CTNNA3: variants seen among roughly 807,000 people sequenced by gnomAD.
CTNNA3 encodes catenin alpha-3.
A neutral mutation model predicts 95.7 loss-of-function variants in CTNNA3; 76 were observed. The observed-to-expected ratio is 0.79, with a 90% CI of 0.66 to 0.96. CTNNA3 has a LOEUF of 0.96. Ranked by LOEUF, CTNNA3 falls within the 40% of genes least tolerant of loss-of-function variation. The pLI, the probability that CTNNA3 is intolerant of heterozygous loss-of-function variation, is 0.00. For synonymous variants in CTNNA3, 431 were observed against 374.4 expected (o/e 1.15, Z -1.74); for missense variants, 1,191 against 1,089.8 (o/e 1.09, Z -1.31).
At chr10:66,776,665 T>A (rs1338199957) in intron 7 of CTNNA3, among the ~76,000 whole-genome samples, 1 of 152,186 alleles carries the variant, frequency 6.6e-6, no homozygotes, top group Non-Finnish European at 1.5e-5. Flanking sequence ...TAATGTACCT[T>A]TGATTTCAGA....
intron 7 of CTNNA3, among the ~76,000 whole-genome samples, chr10:67,150,323 A>G (rs563962821): frequency 1.4e-4 from 22 of 152,198 alleles, no homozygotes; most frequent in Non-Finnish European, 3.1e-4. Context: ...CCTTGAATAT[A>G]CTTAAGACAT....
chr10:66,893,321 T>C (rs895905984), intron 7 of CTNNA3, among the ~76,000 whole-genome samples: 2 of 151,990 alleles, frequency 1.3e-5, no homozygotes, highest in Non-Finnish European at 2.9e-5. Context: ...AATAACTAAA[T>C]AAACTAACAA....
At chr10:67,249,985 C>G (rs1290848832) in intron 5 of CTNNA3, among the ~76,000 whole-genome samples, 3 of 152,180 alleles carry the variant, frequency 2.0e-5, no homozygotes, top group Non-Finnish European at 4.4e-5. Context: ...ATTGGAGGAC[C>G]TGCTGTACTT....
At position 66,603,577 on chromosome 10, in the gene CTNNA3, C is replaced by CA. The variant is rs1037879555; in HGVS notation, c.1374+18114dup. Among the ~76,000 whole-genome samples, 24 of 151,958 alleles carry CA rather than the reference C, an allele frequency of 1.6e-4. 1 individual carries two copies. The East Asian group carries it at 2.7e-3, about 17-fold the overall frequency. On this transcript the variant is annotated intron_variant, in intron 10 of 17. Coordinates refer to ENST00000433211, the MANE Select transcript of CTNNA3 (RefSeq NM_013266.4). Reference sequence around the variant, plus strand: ...ATTAATGATATTCTTCAGGTAATTACAAAAAAATCCTAAAATGTGTATGGA... The same window carrying CA: ...ATTAATGATATTCTTCAGGTAATTACAAAAAAAATCCTAAAATGTGTATGGA...
At position 66,338,734 on chromosome 10, in the gene CTNNA3, T is replaced by C. The variant is rs924523499; in HGVS notation, c.1732+40418A>G. Among the ~76,000 whole-genome samples, 39 of 151,772 alleles carry C rather than the reference T, an allele frequency of 2.6e-4. 1 individual carries two copies. Among genetic ancestry groups the C allele is most frequent in the Admixed American group, 2.1e-3 (32 of 15,234 alleles). ...TGATTTCACAGTTCTAAAAGGAAGT[T>C]GGAACTGAGCAGATTAGAACAGTCT... On this transcript the variant is annotated intron_variant, in intron 12 of 17. Coordinates refer to ENST00000433211, the MANE Select transcript of CTNNA3 (RefSeq NM_013266.4).
intron 12 of CTNNA3, among the ~76,000 whole-genome samples, chr10:66,366,540 G>T (rs1302017935): frequency 6.6e-6 from 1 of 152,118 alleles, no homozygotes; most frequent in Non-Finnish European, 1.5e-5. Flanking sequence ...AAAGAGGCTT[G>T]AGGAAGCTTG....
intron 11 of CTNNA3, among the ~76,000 whole-genome samples, chr10:66,395,593 T>G (rs976146861): frequency 3.9e-5 from 6 of 151,990 alleles, no homozygotes; most frequent in Non-Finnish European, 7.4e-5. Flanking sequence ...TCATCTTACC[T>G]CAGATTTCCA....
At chr10:67,080,874 A>G (rs892088530) in intron 7 of CTNNA3, among the ~76,000 whole-genome samples, 11 of 151,378 alleles carry the variant, frequency 7.3e-5, no homozygotes, top group African/African-American at 2.4e-4. Flanking sequence ...TGGCCACTGC[A>G]CTCCAGCCTG....
chr10:67,251,061 C>T (rs921290859), intron 5 of CTNNA3, among the ~76,000 whole-genome samples: 6 of 152,004 alleles, frequency 3.9e-5, no homozygotes, highest in East Asian at 1.9e-4. Context: ...TTCATAATAA[C>T]CAAAAAGTAG....
chr10:66,034,773 A>T (rs1367823458), intron 15 of CTNNA3, among the ~76,000 whole-genome samples: 1 of 152,218 alleles, frequency 6.6e-6, no homozygotes, highest in African/African-American at 2.4e-5. Context: ...AAAGCTCATG[A>T]AGGGAAAACA....
chr10:66,665,642 A>G (rs149714443), intron 9 of CTNNA3, among the ~76,000 whole-genome samples: 1,569 of 152,288 alleles, frequency 0.01, 31 homozygotes, highest in African/African-American at 0.035. Flanking sequence ...ATGCCAGCAT[A>G]GGCCAGTAAG....
At chr10:67,602,246 T>A (rs1843106166) in intron 3 of CTNNA3, among the ~76,000 whole-genome samples, 1 of 152,090 alleles carries the variant, frequency 6.6e-6, no homozygotes, top group Admixed American at 6.6e-5. Context: ...TCAAGTATTT[T>A]GTAGAGTTTA....
At chr10:66,125,090 T>C (rs942173087) in intron 13 of CTNNA3, among the ~76,000 whole-genome samples, 2 of 152,142 alleles carry the variant, frequency 1.3e-5, no homozygotes, top group African/African-American at 4.8e-5. Flanking sequence ...CACCAGCACA[T>C]CTGCCCTTCA....
At chr10:66,074,195 G>T (rs1247755969) in intron 14 of CTNNA3, among the ~76,000 whole-genome samples, 1 of 149,926 alleles carries the variant, frequency 6.7e-6, no homozygotes, top group East Asian at 2.0e-4. Flanking sequence ...TATTCTCATT[G>T]CTCTATACAG....
rs543735391 is a variant in CTNNA3 at position 67,253,453 on chromosome 10, A to C, written c.580-33583T>G. Among the ~76,000 whole-genome samples, 8 of 152,328 alleles carry C rather than the reference A, an allele frequency of 5.3e-5. No homozygotes were observed. The East Asian group carries it at 1.5e-3, about 29-fold the overall frequency. On this transcript the variant is annotated intron_variant, in intron 5 of 17. Transcript: ENST00000433211. ...ATTTTTAGACCATGCAAGTAGAAAG[A>C]TACAAGGAAAATGTGGAGAGTTAAA...
At chr10:67,758,339 C>T (rs1162605914) in intron 1 of CTNNA3, among the ~76,000 whole-genome samples, 1 of 151,148 alleles carries the variant, frequency 6.6e-6, no homozygotes, top group East Asian at 1.9e-4. Context: ...CACACACACA[C>T]ACACACACAC....
At chr10:67,092,400 T>C (rs1398902022) in intron 7 of CTNNA3, among the ~76,000 whole-genome samples, 2 of 151,974 alleles carry the variant, frequency 1.3e-5, no homozygotes, top group African/African-American at 2.4e-5. Context: ...GGCCTTTTTG[T>C]TATTCCTTCA....
intron 7 of CTNNA3, chr10:67,097,491 T>A: frequency 1.9e-6 from 2 of 1,035,410 alleles, no homozygotes; most frequent in South Asian, 1.4e-5. Flanking sequence ...GATATAACCA[T>A]GGAGGTTAGT....
At chr10:65,962,903 TG>T (rs2077879838) in intron 17 of CTNNA3, among the ~76,000 whole-genome samples, 1 of 152,212 alleles carries the variant, frequency 6.6e-6, no homozygotes, top group Non-Finnish European at 1.5e-5. Flanking sequence ...TTTATGTGGC[TG>T]CATAGTATTC....
Sources: allele counts gnomAD v4.1 joint callset (sites outside exome capture counted in the v4.1 genomes callset), GRCh38; gene constraint gnomAD v4.1.1; transcripts MANE v1.5; gene names NCBI Gene and HGNC (gene_info 2026-07-23, HGNC 2026-07-21).